The following AGBL1 variants were observed in gnomAD, a reference collection of about 807,000 sequenced individuals.
AGBL1 encodes the protein cytosolic carboxypeptidase 4.
AGBL1 carries 130 observed loss-of-function variants against 118.9 expected under a neutral mutation model. That is an observed-to-expected ratio of 1.09 (90% CI 0.95 to 1.26). AGBL1 has a LOEUF of 1.26. Ranked by LOEUF, AGBL1 falls within the 50% of genes most tolerant of loss-of-function variation. The pLI is 0.00. For missense variants in AGBL1, 1,584 were observed against 1,298.1 expected, an observed-to-expected ratio of 1.22 and a Z score of -3.38; for synonymous variants, 555 against 478.9, an observed-to-expected ratio of 1.16 and a Z score of -2.08.
intron 18 of AGBL1, among the ~76,000 whole-genome samples, chr15:86,472,670 G>A (rs1010007587): frequency 5.3e-5 from 8 of 152,232 alleles, no homozygotes; most frequent in African/African-American, 1.9e-4. Context: ...TGTAATCCCA[G>A]TATTTTGGGA....
At chr15:86,677,505 G>A (rs1046818819) in intron 22 of AGBL1, among the ~76,000 whole-genome samples, 1 of 152,066 alleles carries the variant, frequency 6.6e-6, no homozygotes, top group Non-Finnish European at 1.5e-5. Context: ...ATTGTGACAG[G>A]TCTTTTGCAA....
intron 22 of AGBL1, among the ~76,000 whole-genome samples, chr15:86,753,601 T>C (rs954291964): frequency 1.3e-5 from 2 of 152,004 alleles, no homozygotes; most frequent in Admixed American, 6.6e-5. Flanking sequence ...TTTCACCATA[T>C]TGGCCAGGCT....
chr15:86,126,766 C>T (rs1898458655), intron 1 of AGBL1, among the ~76,000 whole-genome samples: 1 of 152,200 alleles, frequency 6.6e-6, no homozygotes, highest in African/African-American at 2.4e-5. Flanking sequence ...GCCTAATTTT[C>T]TTCCAAACTG....
chr15:86,680,504 C>A (rs2085932477), intron 22 of AGBL1, among the ~76,000 whole-genome samples: 1 of 145,712 alleles, frequency 6.9e-6, no homozygotes, highest in Admixed American at 6.8e-5. Flanking sequence ...CCTAATTTTT[C>A]TTTCTTTGTA....
intron 17 of AGBL1, among the ~76,000 whole-genome samples, chr15:86,352,751 G>T (rs1366044548): frequency 6.6e-5 from 10 of 152,230 alleles, no homozygotes; most frequent in Admixed American, 4.6e-4. Context: ...CTCCCAAAGT[G>T]CTGGGATTAC....
intron 21 of AGBL1, among the ~76,000 whole-genome samples, chr15:86,591,237 C>T (rs2084329794): frequency 1.3e-5 from 2 of 152,198 alleles, no homozygotes; most frequent in South Asian, 4.1e-4. Context: ...TATTCTCTTT[C>T]CCAACACAAC....
At chr15:86,841,571 C>T (rs955103023) in intron 22 of AGBL1, among the ~76,000 whole-genome samples, 4 of 152,098 alleles carry the variant, frequency 2.6e-5, no homozygotes, top group East Asian at 1.9e-4. Flanking sequence ...GTTGGCTGGG[C>T]GCAGTGGCTC....
chr15:86,430,696 G>T (rs555286503), intron 18 of AGBL1, among the ~76,000 whole-genome samples: 2 of 152,152 alleles, frequency 1.3e-5, no homozygotes, highest in Non-Finnish European at 2.9e-5. Flanking sequence ...CAAAGAAAAG[G>T]CACGCTGAGA....
chr15:86,440,000 C>T (rs969721654), intron 18 of AGBL1, among the ~76,000 whole-genome samples: 2 of 152,104 alleles, frequency 1.3e-5, no homozygotes, highest in African/African-American at 2.4e-5. Flanking sequence ...AATTTTTTCC[C>T]TGGATAGAAA....
At chr15:86,306,295 C>T (rs945526470) in intron 17 of AGBL1, among the ~76,000 whole-genome samples, 2 of 152,104 alleles carry the variant, frequency 1.3e-5, no homozygotes, top group Non-Finnish European at 2.9e-5. Context: ...CCATCTCCAC[C>T]TCCCCCTGTG....
chr15:86,668,577 A>C (rs1320571697), intron 21 of AGBL1, among the ~76,000 whole-genome samples: 2 of 152,140 alleles, frequency 1.3e-5, no homozygotes, highest in African/African-American at 4.8e-5. Context: ...CACAGATTTA[A>C]TGTCTTTCCT....
chr15:86,356,355 T>TGTGC (rs151263305), intron 17 of AGBL1, among the ~76,000 whole-genome samples: 3,284 of 150,988 alleles, frequency 0.022, 51 homozygotes, highest in Middle Eastern at 0.061. Flanking sequence ...TGTGTGTGTG[T>TGTGC]GCGCGTGCGC....
intron 22 of AGBL1, among the ~76,000 whole-genome samples, chr15:86,823,760 T>C (rs2078972014): frequency 6.6e-6 from 1 of 152,144 alleles, no homozygotes; most frequent in South Asian, 2.1e-4. Flanking sequence ...TTTAATGTTT[T>C]ATCAAAGACC....
At chr15:86,464,529 G>A (rs2082375099) in intron 18 of AGBL1, among the ~76,000 whole-genome samples, 1 of 152,240 alleles carries the variant, frequency 6.6e-6, no homozygotes, top group South Asian at 2.1e-4. Flanking sequence ...GTTTTCAAAG[G>A]GAATGCTTCC....
chr15:86,675,481 A>G (rs765096086), intron 22 of AGBL1, among the ~76,000 whole-genome samples: 4 of 152,126 alleles, frequency 2.6e-5, no homozygotes, highest in Non-Finnish European at 4.4e-5. Context: ...CTTGCTCACC[A>G]CACTGGGCTA....
intron 5 of AGBL1, among the ~76,000 whole-genome samples, chr15:86,222,929 A>T (rs558621053): frequency 6.6e-6 from 1 of 152,188 alleles, no homozygotes; most frequent in African/African-American, 2.4e-5. Context: ...TTTCATGTGC[A>T]TATAAATTAT....
At chr15:86,258,898 G>T (rs1175570920) in intron 9 of AGBL1, among the ~76,000 whole-genome samples, 5 of 152,102 alleles carry the variant, frequency 3.3e-5, no homozygotes, top group African/African-American at 1.2e-4. Context: ...GTAGAAACAG[G>T]ATTTCACCGT....
chr15:86,640,075 A>G (rs1036391513), intron 21 of AGBL1, among the ~76,000 whole-genome samples: 3 of 152,172 alleles, frequency 2.0e-5, no homozygotes, highest in African/African-American at 7.2e-5. Flanking sequence ...CTCTATATAC[A>G]TGTCATAGTT....
chr15:86,938,356 G>A (rs1310412919), intron 23 of AGBL1, among the ~76,000 whole-genome samples: 1 of 152,168 alleles, frequency 6.6e-6, no homozygotes, highest in Non-Finnish European at 1.5e-5. Context: ...GCTGTGACCA[G>A]GAGAGGAAGG....
Sources: allele counts gnomAD v4.1 joint callset (sites outside exome capture counted in the v4.1 genomes callset), GRCh38; gene constraint gnomAD v4.1.1; transcripts MANE v1.5; gene names NCBI Gene and HGNC (gene_info 2026-07-23, HGNC 2026-07-21).